DPP10: variants seen among roughly 807,000 people sequenced by gnomAD.
DPP10 encodes inactive dipeptidyl peptidase 10.
A neutral mutation model predicts 120.9 loss-of-function variants in DPP10; 33 were observed. The ratio of observed to expected loss-of-function variants is 0.27; its 90% CI spans 0.21 to 0.37. The LOEUF is 0.37. Ranked by LOEUF, DPP10 falls within the 10% of genes least tolerant of loss-of-function variation. The pLI is 1.00. For missense variants in DPP10, 816 were observed against 942.8 expected (o/e 0.87, Z 1.76); for synonymous variants, 337 against 326.1 (o/e 1.03, Z -0.36).
At chr2:115,791,231 A>G (rs1235499926) in intron 18 of DPP10, 52 bp downstream of exon 18, 1 of 1,606,632 alleles carries the variant, frequency 6.2e-7, no homozygotes. Flanking sequence ...TCTGCGTCTT[A>G]TAGTTTTACC....
At chr2:114,918,691 G>A (rs1295066240) in intron 1 of DPP10, among the ~76,000 whole-genome samples, 1 of 152,122 alleles carries the variant, frequency 6.6e-6, no homozygotes, top group Non-Finnish European at 1.5e-5. Flanking sequence ...AATTAATGCA[G>A]GAATAGAAAA....
At chr2:114,842,563 A>G (rs1391106725) in intron 1 of DPP10, among the ~76,000 whole-genome samples, 1 of 152,144 alleles carries the variant, frequency 6.6e-6, no homozygotes, top group African/African-American at 2.4e-5. Flanking sequence ...TCTCTTCCCC[A>G]GGAAAATCCC....
At chr2:115,621,610 C>T (rs151188135) in intron 5 of DPP10, among the ~76,000 whole-genome samples, 1 of 152,226 alleles carries the variant, frequency 6.6e-6, no homozygotes, top group Non-Finnish European at 1.5e-5. Flanking sequence ...TCAATCCGCA[C>T]AATTTTTTTT....
At chr2:115,156,495 C>A (rs190177288) in intron 1 of DPP10, among the ~76,000 whole-genome samples, 10 of 152,278 alleles carry the variant, frequency 6.6e-5, no homozygotes, top group African/African-American at 2.4e-4. Flanking sequence ...AGATGAAAAT[C>A]TTTCCTTCCA....
At chr2:114,991,563 T>A (rs1700757020) in intron 1 of DPP10, among the ~76,000 whole-genome samples, 1 of 152,218 alleles carries the variant, frequency 6.6e-6, no homozygotes, top group South Asian at 2.1e-4. Flanking sequence ...TAATTCTACT[T>A]TACTCCGTGG....
rs938979557 is a variant in DPP10, at chr2:114,944,028, T to C, written c.61-365211T>C. Among the ~76,000 whole-genome samples the C allele has an allele frequency of 2.0e-5, 3 of 152,280 alleles. No individual in the cohort carries two copies. In the East Asian group the frequency reaches 5.8e-4, roughly 29 times the overall value. On this transcript the variant is annotated intron_variant, in intron 1 of 25. Coordinates refer to ENST00000410059, the MANE Select transcript of DPP10 (RefSeq NM_020868.6). ...TAGCTTGGTTTTTTATCTTTTTTGC[T>C]ATCATAATATAATTCTATGTTAAAT...
At chr2:115,401,298 T>C (rs768188865) in intron 3 of DPP10, among the ~76,000 whole-genome samples, 2 of 152,132 alleles carry the variant, frequency 1.3e-5, no homozygotes, top group Non-Finnish European at 2.9e-5. Flanking sequence ...TATGAAGACA[T>C]GCTGGAGGGC....
chr2:115,466,098 A>G (rs996098262), intron 3 of DPP10, among the ~76,000 whole-genome samples: 5 of 152,174 alleles, frequency 3.3e-5, no homozygotes, highest in African/African-American at 1.2e-4. Flanking sequence ...CATCACCAAG[A>G]TGTTTTTCTA....
chr2:114,869,969 C>G (rs942399134), intron 1 of DPP10, among the ~76,000 whole-genome samples: 4 of 152,074 alleles, frequency 2.6e-5, no homozygotes, highest in East Asian at 1.9e-4. Flanking sequence ...AGATTTGAAC[C>G]CTGTAAAATG....
At chr2:114,618,209 G>T (rs1573804182) in intron 1 of DPP10, among the ~76,000 whole-genome samples, 1 of 151,690 alleles carries the variant, frequency 6.6e-6, no homozygotes, top group African/African-American at 2.4e-5. Context: ...ACTTTTTTTT[G>T]AATCCTCTAA....
At chr2:115,810,093 C>T (rs1039570989) in intron 19 of DPP10, among the ~76,000 whole-genome samples, 10 of 150,970 alleles carry the variant, frequency 6.6e-5, no homozygotes, top group African/African-American at 9.8e-5. Flanking sequence ...ACCCGGGAGG[C>T]GGATCTGGCA....
chr2:114,769,042 T>C (rs796158733), intron 1 of DPP10, among the ~76,000 whole-genome samples: 1 of 151,638 alleles, frequency 6.6e-6, no homozygotes, highest in East Asian at 2.0e-4. Context: ...AAATTAAGAG[T>C]GGAATAGTAG....
chr2:115,384,999 G>C (rs13430426), intron 3 of DPP10, among the ~76,000 whole-genome samples: 28,779 of 152,128 alleles, frequency 0.19, 3,052 homozygotes, highest in East Asian at 0.36. Flanking sequence ...TTTTTGTTTT[G>C]CATCTTTCTC....
chr2:115,662,449 C>A (rs2089076447), intron 5 of DPP10, among the ~76,000 whole-genome samples: 1 of 146,836 alleles, frequency 6.8e-6, no homozygotes. Context: ...TTTTTTTTAG[C>A]AACTTCTGTA....
At chr2:114,725,968 C>G (rs189878212) in intron 1 of DPP10, among the ~76,000 whole-genome samples, 172 of 152,260 alleles carry the variant, frequency 1.1e-3, no homozygotes, top group African/African-American at 3.9e-3. Flanking sequence ...TGCAGTGGCT[C>G]AAGCCTGTAA....
At chr2:114,562,470 G>A (rs890865916) in intron 1 of DPP10, among the ~76,000 whole-genome samples, 14 of 152,062 alleles carry the variant, frequency 9.2e-5, no homozygotes, top group South Asian at 2.1e-4. Flanking sequence ...ATACATTATC[G>A]AAACATATTG....
intron 3 of DPP10, among the ~76,000 whole-genome samples, chr2:115,469,957 A>G (rs2074595434): frequency 6.6e-6 from 1 of 151,366 alleles, no homozygotes; most frequent in Non-Finnish European, 1.5e-5. Flanking sequence ...TGTGTATTGT[A>G]TTGCATTTTG....
chr2:114,859,666 T>C (rs1270553497), intron 1 of DPP10, among the ~76,000 whole-genome samples: 3 of 152,222 alleles, frequency 2.0e-5, no homozygotes, highest in African/African-American at 7.2e-5. Context: ...TCTACAAATG[T>C]CTCACAGTGG....
chr2:115,388,299 A>G (rs940574495), intron 3 of DPP10, among the ~76,000 whole-genome samples: 1 of 152,238 alleles, frequency 6.6e-6, no homozygotes. Flanking sequence ...CTTTTATGAC[A>G]TAAGGTGGAA....
Sources: allele counts gnomAD v4.1 joint callset (sites outside exome capture counted in the v4.1 genomes callset), GRCh38; gene constraint gnomAD v4.1.1; transcripts MANE v1.5; gene names NCBI Gene and HGNC (gene_info 2026-07-23, HGNC 2026-07-21).